ADARB1: variants seen among roughly 807,000 people sequenced by gnomAD.
ADARB1 encodes adenosine deaminase RNA specific B1, also known as double-stranded RNA-specific editase 1.
In ADARB1, 10 loss-of-function variants were observed where a neutral mutation model predicts 52.4. That is an observed-to-expected ratio of 0.19 (90% CI 0.12 to 0.32). The LOEUF is 0.32. Among genes scored for constraint, ADARB1 ranks in the 10% least tolerant of loss-of-function variants. ADARB1 has a pLI of 1.00. For synonymous variants in ADARB1, 349 were observed against 371.1 expected (o/e 0.94, Z 0.68); for missense variants, 643 against 922.3 (o/e 0.70, Z 3.92).
At chr21:45,182,800 A>G in intron 6 of ADARB1, 47 bp downstream of exon 6, 1 of 1,473,302 alleles carries the variant, frequency 6.8e-7, no homozygotes, top group Non-Finnish European at 9.1e-7. Flanking sequence ...TTTAAAAAAT[A>G]TTCCTCTATT....
chr21:45,110,771 C>G (rs995062071), intron 1 of ADARB1, among the ~76,000 whole-genome samples: 4 of 152,100 alleles, frequency 2.6e-5, no homozygotes, highest in African/African-American at 9.7e-5. Context: ...ACATTTTAAT[C>G]AGATCTCATG....
Position 45,225,285 on chromosome 21 carries a change from C to G in ADARB1, c.*3088C>G, listed in dbSNP as rs544464139. On this transcript the variant is annotated 3_prime_UTR_variant, in exon 11 of 11. Transcript: ENST00000348831. Reference sequence around the variant, plus strand: ...TCAGCTCTCATCACCTGGTCGTACGCCAGGCCCACCTCTTCCCAGCAAGGG... The same window carrying G: ...TCAGCTCTCATCACCTGGTCGTACGGCAGGCCCACCTCTTCCCAGCAAGGG... The G allele has an allele frequency of 5.1e-6, 6 of 1,173,068 alleles. No homozygotes were observed. In the African/African-American group the frequency reaches 9.5e-5, roughly 19 times the overall value. The allele number at this position is 1,173,068 out of a possible 1,614,324, so 72.7% of individuals were successfully genotyped here. A position where few individuals can be genotyped will look rare whatever the true frequency, so the allele number is the denominator to read the frequency against.
chr21:45,084,592 GTTGT>G (rs902997352), intron 1 of ADARB1, among the ~76,000 whole-genome samples: 46 of 152,314 alleles, frequency 3.0e-4, no homozygotes, highest in African/African-American at 9.9e-4. Context: ...TTGAGCAGGG[GTTGT>G]TTTTCACTTC....
At chr21:45,205,876 G>GT (rs1478302155) in intron 9 of ADARB1, among the ~76,000 whole-genome samples, 1 of 152,110 alleles carries the variant, frequency 6.6e-6, no homozygotes. Context: ...GTGCTGCCTT[G>GT]TTTTCTAGTG....
intron 1 of ADARB1, among the ~76,000 whole-genome samples, chr21:45,127,127 C>G (rs2088631770): frequency 6.6e-6 from 1 of 152,202 alleles, no homozygotes; most frequent in Non-Finnish European, 1.5e-5. Context: ...ACTCGGGGCC[C>G]TTGCTCTCTG....
chr21:45,076,957 A>G (rs1568986188), intron 1 of ADARB1, among the ~76,000 whole-genome samples: 1 of 152,230 alleles, frequency 6.6e-6, no homozygotes, highest in Non-Finnish European at 1.5e-5. Context: ...AAGATAAGCA[A>G]GCACACAGTA....
At chr21:45,131,902 G>A (rs974337779) in intron 2 of ADARB1, among the ~76,000 whole-genome samples, 6 of 152,200 alleles carry the variant, frequency 3.9e-5, no homozygotes, top group African/African-American at 4.8e-5. Flanking sequence ...GCAGAGCTCC[G>A]CAAGCCTCTG....
intron 1 of ADARB1, among the ~76,000 whole-genome samples, chr21:45,078,105 T>A (rs1342081920): frequency 2.0e-5 from 3 of 152,214 alleles, no homozygotes; most frequent in African/African-American, 7.2e-5. Context: ...CTTTTCCACC[T>A]GTATGCCTAT....
At chr21:45,099,643 A>G (rs192361409) in intron 1 of ADARB1, among the ~76,000 whole-genome samples, 50 of 152,330 alleles carry the variant, frequency 3.3e-4, no homozygotes, top group Admixed American at 2.2e-3. Context: ...TGTCTCAAAA[A>G]AATAAAAAAT....
intron 1 of ADARB1, among the ~76,000 whole-genome samples, chr21:45,086,536 G>C (rs1199560161): frequency 1.3e-5 from 2 of 152,348 alleles, no homozygotes; most frequent in East Asian, 3.9e-4. Context: ...CAGCCTGCCT[G>C]CTGTTTCCAC....
At chr21:45,159,191 G>A (rs921531139) in intron 2 of ADARB1, among the ~76,000 whole-genome samples, 1 of 152,146 alleles carries the variant, frequency 6.6e-6, no homozygotes, top group African/African-American at 2.4e-5. Context: ...TCTCAATCAT[G>A]ACGGAAGATG....
chr21:45,165,237 G>A (rs984790461), intron 2 of ADARB1, among the ~76,000 whole-genome samples: 6 of 138,060 alleles, frequency 4.3e-5, no homozygotes, highest in African/African-American at 1.6e-4. Flanking sequence ...AGGTGTTAGT[G>A]CCCTGTGCAA....
At chr21:45,184,742 T>C in intron 7 of ADARB1, 181 bp from the exon 8 acceptor site, 1 of 697,252 alleles carries the variant, frequency 1.4e-6, no homozygotes, top group Non-Finnish European at 2.3e-6. Flanking sequence ...TGAGCCACCA[T>C]ACCCAGCCTC....
intron 7 of ADARB1, among the ~76,000 whole-genome samples, chr21:45,184,251 A>G (rs1204336806): frequency 6.6e-6 from 1 of 152,230 alleles, no homozygotes; most frequent in African/African-American, 2.4e-5. Context: ...TATAGAGGAA[A>G]ATAACATGGC....
chr21:45,215,165 A>G (rs2092837277), intron 9 of ADARB1, among the ~76,000 whole-genome samples: 1 of 152,188 alleles, frequency 6.6e-6, no homozygotes, highest in African/African-American at 2.4e-5. Context: ...CTCCTGTCTC[A>G]GCCTCCTGAG....
chr21:45,110,414 G>T (rs1364307492), intron 1 of ADARB1, among the ~76,000 whole-genome samples: 1 of 152,228 alleles, frequency 6.6e-6, no homozygotes, highest in Non-Finnish European at 1.5e-5. Context: ...GTCTCTACCT[G>T]GGTGTGGTGA....
At chr21:45,091,805 C>T (rs1299001253) in intron 1 of ADARB1, among the ~76,000 whole-genome samples, 1 of 152,156 alleles carries the variant, frequency 6.6e-6, no homozygotes, top group Non-Finnish European at 1.5e-5. Flanking sequence ...TGGAAGACTC[C>T]AGATCGAGTT....
intron 1 of ADARB1, among the ~76,000 whole-genome samples, chr21:45,124,568 A>G (rs2088438563): frequency 6.6e-6 from 1 of 151,842 alleles, no homozygotes; most frequent in Non-Finnish European, 1.5e-5. Flanking sequence ...TGTAGAGACA[A>G]GGTCTCACTA....
At chr21:45,190,188 G>A (rs1275170920) in intron 8 of ADARB1, among the ~76,000 whole-genome samples, 1 of 151,974 alleles carries the variant, frequency 6.6e-6, no homozygotes, top group African/African-American at 2.4e-5. Flanking sequence ...AAAAGACAGT[G>A]ACCTGTCTTC....
Sources: gnomAD v4.1 joint callset for allele counts (sites outside exome capture counted in the v4.1 genomes callset) on GRCh38, gnomAD v4.1.1 for gene constraint, MANE v1.5 for transcripts, NCBI Gene and HGNC (gene_info 2026-07-23, HGNC 2026-07-21) for gene names.